The following FAM178B variants were observed in gnomAD, a reference collection of about 807,000 sequenced individuals.
FAM178B encodes protein FAM178B.
A neutral mutation model predicts 91.7 loss-of-function variants in FAM178B; 82 were observed. The observed-to-expected ratio is 0.89, with a 90% CI of 0.75 to 1.07. The LOEUF (loss-of-function observed/expected upper bound fraction) is 1.07. Ranked by LOEUF, FAM178B falls within the 50% of genes least tolerant of loss-of-function variation. The pLI, the probability that FAM178B is intolerant of heterozygous loss-of-function variation, is 0.00. For missense variants in FAM178B, 769 were observed against 846.7 expected, an observed-to-expected ratio of 0.91 and a Z score of 1.14; for synonymous variants, 368 against 359.4, an observed-to-expected ratio of 1.02 and a Z score of -0.27.
intron 12 of FAM178B, among the ~76,000 whole-genome samples, chr2:96,914,816 G>A (rs2081214775): frequency 6.6e-6 from 1 of 152,200 alleles, no homozygotes; most frequent in Non-Finnish European, 1.5e-5. Context: ...CTTAAGCCCA[G>A]GAGGTCGAAG....
intron 7 of FAM178B, 131 bp from the exon 8 acceptor site, chr2:96,948,033 G>A (rs996179369): frequency 5.0e-6 from 3 of 605,682 alleles, no homozygotes; most frequent in Middle Eastern, 2.8e-4. Flanking sequence ...TGTGGTAGAA[G>A]GACATTGTCA....
At chr2:96,962,650 T>C (rs1278353507) in intron 5 of FAM178B, among the ~76,000 whole-genome samples, 1 of 152,134 alleles carries the variant, frequency 6.6e-6, no homozygotes, top group Non-Finnish European at 1.5e-5. Flanking sequence ...AAGGATGATG[T>C]TGTGGTTTAA....
At chr2:96,885,117 G>A (rs1157617245) in intron 14 of FAM178B, among the ~76,000 whole-genome samples, 1 of 152,246 alleles carries the variant, frequency 6.6e-6, no homozygotes, top group African/African-American at 2.4e-5. Context: ...CCCAAACACG[G>A]TCCCTAAACA....
chr2:96,947,806 C>A lies in FAM178B; in HGVS notation c.1078+12G>T. 6.7e-7 allele frequency: 1 copy of A among 1,497,730 alleles called. No individual in the cohort carries two copies. Among genetic ancestry groups the A allele is most frequent in the Non-Finnish European group, 9.1e-7 (1 of 1,098,310 alleles). 92.8% of individuals were successfully genotyped at this position (1,497,730 alleles called of 1,614,324 possible). ...CAGTGCGCCAATCTCCACCCTGCAT[C>A]CCAGTACTGACCAGGCTGAAGGAAG... On this transcript the variant is annotated intron_variant, in intron 8 of 16. Coordinates refer to ENST00000490605, the MANE Select transcript of FAM178B (RefSeq NM_001122646.3).
At position 96,986,480 on chromosome 2, in the gene FAM178B, A is replaced by C. The variant is rs2082426529; in HGVS notation, c.-167T>G. 2 of 766,600 alleles carry C rather than the reference A, an allele frequency of 2.6e-6. No homozygotes were observed. Among genetic ancestry groups the C allele is most frequent in the Non-Finnish European group, 4.0e-6 (2 of 495,480 alleles). 47.5% of individuals were successfully genotyped at this position (766,600 alleles called of 1,614,324 possible). A position where few individuals can be genotyped will look rare whatever the true frequency, so the allele number is the denominator to read the frequency against. ...CCTAGATCCAGGGCCGCCAACGTGGAACCTAAAGATCCAGTTCTGGGGATT... is the reference window on the plus strand; with the variant it reads ...CCTAGATCCAGGGCCGCCAACGTGGCACCTAAAGATCCAGTTCTGGGGATT... On this transcript the variant is annotated 5_prime_UTR_variant, in exon 1 of 17. Coordinates refer to ENST00000490605, the MANE Select transcript of FAM178B (RefSeq NM_001122646.3).
rs2080957574 is a variant in FAM178B at position 96,902,715 on chromosome 2, A to G, written c.1563-8T>C. 1 of 1,546,198 alleles carries G rather than the reference A, an allele frequency of 6.5e-7. No individual in the cohort carries two copies. ...AGCTGGCTTCGAAGCCGCCTGGGGG[A>G]AAAGCGACAGCCTGAGAGAGGGTGT... is the stretch of plus-strand genomic sequence containing the variant. On this transcript the variant is annotated splice_polypyrimidine_tract_variant and splice_region_variant and intron_variant, in intron 12 of 16. Transcript: ENST00000490605.
At chr2:96,962,145 T>C (rs1476101037) in intron 5 of FAM178B, among the ~76,000 whole-genome samples, 1 of 151,972 alleles carries the variant, frequency 6.6e-6, no homozygotes, top group East Asian at 1.9e-4. Context: ...CTACTAAAAA[T>C]ACAAAAATTA....
intron 6 of FAM178B, among the ~76,000 whole-genome samples, chr2:96,959,251 T>G (rs1323838673): frequency 2.7e-5 from 4 of 145,740 alleles, no homozygotes; most frequent in African/African-American, 1.0e-4. Context: ...ATGGTGTTGG[T>G]AGGCAGAGGT....
intron 12 of FAM178B, among the ~76,000 whole-genome samples, chr2:96,905,850 A>ATATATATGTG (rs2081037155): frequency 7.8e-5 from 2 of 25,616 alleles, no homozygotes; most frequent in African/African-American, 2.0e-4. Context: ...ATATATATAT[A>ATATATATGTG]TATATATATA....
intron 14 of FAM178B, among the ~76,000 whole-genome samples, chr2:96,887,494 C>T (rs142799623): frequency 1.3e-5 from 2 of 152,240 alleles, no homozygotes; most frequent in African/African-American, 2.4e-5. Context: ...GAGCCATGCC[C>T]GTAGCAATCC....
intron 12 of FAM178B, among the ~76,000 whole-genome samples, chr2:96,918,153 T>TA (rs1288112376): frequency 0.033 from 1,933 of 58,028 alleles, 36 homozygotes; most frequent in African/African-American, 0.11. Context: ...TATTCTAAAA[T>TA]AAAAAAAAAA....
At chr2:96,968,740 C>T (rs572885857) in intron 4 of FAM178B, among the ~76,000 whole-genome samples, 6 of 152,328 alleles carry the variant, frequency 3.9e-5, no homozygotes, top group Admixed American at 3.9e-4. Context: ...TGCTCTTGCC[C>T]TTCCCATCCC....
At chr2:96,877,078 T>G (rs1259389303) in intron 16 of FAM178B, among the ~76,000 whole-genome samples, 2 of 152,160 alleles carry the variant, frequency 1.3e-5, no homozygotes, top group Non-Finnish European at 2.9e-5. Flanking sequence ...TCATGGGGGT[T>G]GTGTGGGTTC....
intron 1 of FAM178B, among the ~76,000 whole-genome samples, chr2:96,975,640 ACT>A (rs764635776): frequency 6.6e-6 from 1 of 152,194 alleles, no homozygotes; most frequent in Non-Finnish European, 1.5e-5. Flanking sequence ...CTACTAATCT[ACT>A]CAACACTAAG....
chr2:96,980,162 G>A (rs1574329297), intron 1 of FAM178B, among the ~76,000 whole-genome samples: 1 of 149,444 alleles, frequency 6.7e-6, no homozygotes, highest in East Asian at 2.0e-4. Context: ...TGCAACCTCC[G>A]CCTCCCCGTT....
chr2:96,959,155 C>T (rs1245896068), intron 6 of FAM178B, among the ~76,000 whole-genome samples: 13 of 146,202 alleles, frequency 8.9e-5, no homozygotes, highest in Admixed American at 4.2e-4. Flanking sequence ...GCCGAGATCA[C>T]GCCACTGCAC....
intron 14 of FAM178B, among the ~76,000 whole-genome samples, chr2:96,889,445 G>A (rs1438754408): frequency 1.3e-5 from 2 of 152,060 alleles, no homozygotes; most frequent in African/African-American, 2.4e-5. Flanking sequence ...GTGGGAGGCC[G>A]AGGCAGGTGG....
At chr2:96,928,657 A>G (rs1370264173) in intron 9 of FAM178B, among the ~76,000 whole-genome samples, 1 of 152,074 alleles carries the variant, frequency 6.6e-6, no homozygotes, top group Non-Finnish European at 1.5e-5. Context: ...TTCACCAGAG[A>G]GTGGGGGCAG....
At chr2:96,944,065 A>G (rs2081779131) in intron 8 of FAM178B, among the ~76,000 whole-genome samples, 2 of 152,110 alleles carry the variant, frequency 1.3e-5, no homozygotes, top group Admixed American at 1.3e-4. Flanking sequence ...CAACATGGTG[A>G]AACCCTGTCT....
Sources: gnomAD v4.1 joint callset for allele counts (sites outside exome capture counted in the v4.1 genomes callset) on GRCh38, gnomAD v4.1.1 for gene constraint, MANE v1.5 for transcripts, NCBI Gene and HGNC (gene_info 2026-07-23, HGNC 2026-07-21) for gene names.